DIMT1: variants seen among roughly 807,000 people sequenced by gnomAD.
DIMT1 encodes the protein dimethyladenosine transferase.
Under a neutral mutation model 43.2 loss-of-function variants are expected in DIMT1, and 36 were observed. That is an observed-to-expected ratio of 0.83 (90% CI 0.64 to 1.10). DIMT1 has a LOEUF of 1.10. Ranked by LOEUF, DIMT1 falls within the 50% of genes least tolerant of loss-of-function variation. The pLI is 0.00. For synonymous variants in DIMT1, 126 were observed against 130.3 expected (o/e 0.97, Z 0.22); for missense variants, 341 against 385.3 (o/e 0.88, Z 0.96).
chr5:62,390,965 G>A lies in DIMT1; in HGVS notation c.810C>T (p.Phe270=), dbSNP rs775964162. The A allele has an allele frequency of 3.7e-6, 6 of 1,613,194 alleles. No individual in the cohort carries two copies. Among genetic ancestry groups the A allele is most frequent in the Non-Finnish European group, 5.1e-6 (6 of 1,179,712 alleles). Residue 270 remains phenylalanine (F), a synonymous_variant, in exon 11 of 12, where the codon TTC becomes TTT. Transcript: ENST00000199320. The stretch of plus-strand genomic sequence containing the variant: ...TTTGCTGTATTTTATCTGCTATGCT[G>A]AAATCTTCTGGTATTATCTATCAAT... ...SVHNIIIPED[F]SIADKIQQIL...
At chr5:62,393,693 C>T (rs2272290) in intron 8 of DIMT1, among the ~76,000 whole-genome samples, 22,791 of 151,820 alleles carry the variant, frequency 0.15, 1,889 homozygotes, top group East Asian at 0.26. Context: ...CATAATACTA[C>T]TTTAAAACAA....
chr5:62,391,061 G>T, intron 10 of DIMT1, 79 bp from the exon 11 acceptor site: 1 of 1,170,310 alleles, frequency 8.5e-7, no homozygotes, highest in Non-Finnish European at 1.3e-6. Context: ...AGTTCAGTAA[G>T]TCATAAAATA....
chr5:62,391,772 CTA>C (rs1197524422), intron 10 of DIMT1: 1 of 1,381,118 alleles, frequency 7.2e-7, no homozygotes, highest in African/African-American at 1.5e-5. Context: ...AAAGTAATAA[CTA>C]TATTTGTAAC....
Position 62,388,554 on chromosome 5 carries a change from T to C in DIMT1, c.*456A>G, listed in dbSNP as rs1163026454. On this transcript the variant is annotated 3_prime_UTR_variant, in exon 12 of 12. Coordinates refer to ENST00000199320, the MANE Select transcript of DIMT1 (RefSeq NM_014473.4). ...TAAGAAACAATTGTTTTACTGTACA[T>C]GTGAATAACAAGAAATGGTACGGGG... 2 of 157,520 alleles carry C rather than the reference T, an allele frequency of 1.3e-5. No homozygotes were observed. The highest frequency in any genetic ancestry group is 1.9e-4 in the South Asian group (1 of 5,274). 9.8% of individuals were successfully genotyped at this position (157,520 alleles called of 1,614,324 possible). A position where few individuals can be genotyped will look rare whatever the true frequency, so the allele number is the denominator to read the frequency against.
chr5:62,392,891 G>GC, intron 9 of DIMT1, 35 bp downstream of exon 9: 1 of 1,438,148 alleles, frequency 7.0e-7, no homozygotes, highest in Non-Finnish European at 9.8e-7. Flanking sequence ...TGGAGCACTG[G>GC]CCCTTTATAC....
intron 3 of DIMT1, 101 bp downstream of exon 3, chr5:62,401,935 A>G: frequency 8.6e-7 from 1 of 1,157,458 alleles, no homozygotes; most frequent in Non-Finnish European, 1.3e-6. Context: ...AGGAGTTACT[A>G]CTAAAATAAT....
At chr5:62,397,029 A>C (rs1486027205) in intron 6 of DIMT1, among the ~76,000 whole-genome samples, 2 of 152,146 alleles carry the variant, frequency 1.3e-5, no homozygotes, top group Admixed American at 1.3e-4. Flanking sequence ...GGCTCACTAC[A>C]ACCTCCGCCT....
chr5:62,396,190 T>TA (rs1397202756), intron 6 of DIMT1, among the ~76,000 whole-genome samples: 1 of 134,266 alleles, frequency 7.4e-6, no homozygotes, highest in African/African-American at 2.9e-5. Flanking sequence ...CCTTTCAAGA[T>TA]TTTTTAAGAC....
intron 1 of DIMT1, 46 bp from the exon 2 acceptor site, chr5:62,403,392 A>G (rs370750232): frequency 2.1e-5 from 33 of 1,574,216 alleles, no homozygotes; most frequent in Non-Finnish European, 2.4e-5. Context: ...CTGAGATTAG[A>G]TATTAGGCAG....
Position 62,403,903 on chromosome 5 carries a change from A to T in DIMT1, c.-131T>A. On this transcript the variant is annotated 5_prime_UTR_variant, in exon 1 of 12. Transcript: ENST00000199320. ...ACTCTGGCCCAAGCGCCGGAGGGGC[A>T]AGGGTCCGCCCCCTCCCGTACGCTC... 1.1e-6 allele frequency: 1 copy of T among 934,056 alleles called. No individual in the cohort carries two copies. Among genetic ancestry groups the T allele is most frequent in the South Asian group, 1.7e-5 (1 of 59,790 alleles). 57.9% of individuals were successfully genotyped at this position (934,056 alleles called of 1,614,324 possible). A position where few individuals can be genotyped will look rare whatever the true frequency, so the allele number is the denominator to read the frequency against.
Position 62,403,882 on chromosome 5 carries a change from T to C in DIMT1, c.-110A>G. On this transcript the variant is annotated 5_prime_UTR_variant, in exon 1 of 12. Coordinates refer to ENST00000199320, the MANE Select transcript of DIMT1 (RefSeq NM_014473.4). ...CCGCCACGCGCCGCCCGCACCACTC[T>C]GGCCCAAGCGCCGGAGGGGCAAGGG... 4 of 1,189,638 alleles carry C rather than the reference T, an allele frequency of 3.4e-6. No homozygotes were observed. Among genetic ancestry groups the C allele is most frequent in the Non-Finnish European group, 4.7e-6 (4 of 851,976 alleles). 73.7% of individuals were successfully genotyped at this position (1,189,638 alleles called of 1,614,324 possible). A position where few individuals can be genotyped will look rare whatever the true frequency, so the allele number is the denominator to read the frequency against.
intron 10 of DIMT1, chr5:62,391,809 G>A (rs183426419): frequency 3.8e-5 from 53 of 1,401,230 alleles, no homozygotes; most frequent in East Asian, 1.3e-4. Flanking sequence ...GAAACAAGAC[G>A]TGGTCACAAT....
rs529313359 is a variant in DIMT1 at position 62,387,331 on chromosome 5, A to T, written c.*1679T>A. On this transcript the variant is annotated 3_prime_UTR_variant, in exon 12 of 12. Coordinates refer to ENST00000199320, the MANE Select transcript of DIMT1 (RefSeq NM_014473.4). The stretch of plus-strand genomic sequence containing the variant: ...ACAATTGACCTTGCAAAGGATATTT[A>T]AAAAAAAGGTAGTTTTTGAGATTAA... 37 of 152,142 alleles carry T rather than the reference A, an allele frequency of 2.4e-4. No homozygotes were observed. Among genetic ancestry groups the T allele is most frequent in the Middle Eastern group, 3.4e-3 (1 of 294 alleles). The allele number at this position is 152,142 out of a possible 1,614,324, so 9.4% of individuals were successfully genotyped here. A position where few individuals can be genotyped will look rare whatever the true frequency, so the allele number is the denominator to read the frequency against.
intron 11 of DIMT1, among the ~76,000 whole-genome samples, chr5:62,390,358 G>A (rs948353122): frequency 3.9e-5 from 6 of 152,212 alleles, no homozygotes; most frequent in African/African-American, 1.2e-4. Flanking sequence ...CTTGAGAAGT[G>A]TAGAACTTGC....
At position 62,403,269 on chromosome 5, in the gene DIMT1, C is replaced by G. The variant is rs1463866693; in HGVS notation, c.153+4G>C. 1.9e-6 allele frequency: 3 copies of G among 1,613,136 alleles called. No individual in the cohort carries two copies. The highest frequency in any genetic ancestry group is 2.5e-6 in the Non-Finnish European group (3 of 1,179,176). ...ACTCTCTCCCTTTCCTCTTCCACACCCACCTTATCGATAATGCTGTTAATA... is the reference window on the plus strand; with the variant it reads ...ACTCTCTCCCTTTCCTCTTCCACACGCACCTTATCGATAATGCTGTTAATA... On this transcript the variant is annotated splice_donor_region_variant and intron_variant, in intron 2 of 11. Transcript: ENST00000199320.
chr5:62,398,447 T>G, intron 6 of DIMT1, 64 bp downstream of exon 6: 1 of 1,545,118 alleles, frequency 6.5e-7, no homozygotes, highest in Non-Finnish European at 8.9e-7. Context: ...TTTTTGGCTA[T>G]GTTCACCACC....
intron 6 of DIMT1, among the ~76,000 whole-genome samples, chr5:62,396,250 T>A (rs1408174148): frequency 6.6e-6 from 1 of 151,074 alleles, no homozygotes; most frequent in Non-Finnish European, 1.5e-5. Flanking sequence ...TTCATGCCTG[T>A]AATAATCCCA....
intron 8 of DIMT1, 135 bp downstream of exon 8, chr5:62,393,820 G>C (rs984498025): frequency 1.4e-4 from 96 of 682,438 alleles, no homozygotes; most frequent in Non-Finnish European, 2.1e-4. Flanking sequence ...CTTCAGCACA[G>C]GGATGTGTCC....
Position 62,398,541 on chromosome 5 carries a change from A to T in DIMT1, c.416T>A (p.Phe139Tyr). The part of the protein sequence containing the change: ...LPYQISSPFV[F>Y]KLLLHRPFFR... ...AAAAGGTCGATGTAGCAACAGCTTGAAGACAAAAGGTGAAGAGATCTGTAA... is the reference window on the plus strand; with the variant it reads ...AAAAGGTCGATGTAGCAACAGCTTGTAGACAAAAGGTGAAGAGATCTGTAA... The change falls in exon 6 of 12, where the codon TTC (phenylalanine) becomes TAC (tyrosine). Residue 139 changes from phenylalanine (F) to tyrosine (Y), a missense_variant. Physicochemically the swap from Phe to Tyr is conservative, Grantham distance 22. Transcript: ENST00000199320. 3 of 1,613,050 alleles carry T rather than the reference A, an allele frequency of 1.9e-6. No homozygotes were observed. Among genetic ancestry groups the T allele is most frequent in the Non-Finnish European group, 2.5e-6 (3 of 1,179,028 alleles).
Sources: allele counts gnomAD v4.1 joint callset (sites outside exome capture counted in the v4.1 genomes callset), GRCh38; gene constraint gnomAD v4.1.1; transcripts MANE v1.5; gene names NCBI Gene and HGNC (gene_info 2026-07-23, HGNC 2026-07-21).